Variants in GLRA2 observed in about 807,000 individuals in gnomAD.
The protein encoded by GLRA2 is glycine receptor alpha 2.
GLRA2 carries 11 observed loss-of-function variants against 31.6 expected under a neutral mutation model. That is an observed-to-expected ratio of 0.35 (90% CI 0.22 to 0.58). The LOEUF (loss-of-function observed/expected upper bound fraction) is 0.58. Among genes scored for constraint, GLRA2 ranks in the 20% least tolerant of loss-of-function variants. GLRA2 has a pLI of 0.84. For synonymous variants in GLRA2, 132 were observed against 134.0 expected (o/e 0.99, Z 0.10); for missense variants, 212 against 351.8 (o/e 0.60, Z 3.18).
chrX:14,506,964 T>C, the GLRA2 span, among the ~76,000 whole-genome samples: 1 of 111,766 alleles, frequency 8.9e-6, no homozygotes, highest in African/African-American at 3.3e-5. Context: ...TATGTTTTGT[T>C]ACCTTAGGAA....
chrX:14,505,140 A>C, the GLRA2 span, among the ~76,000 whole-genome samples: 1 of 112,398 alleles, frequency 8.9e-6, no homozygotes, highest in Non-Finnish European at 1.9e-5. Context: ...ATGTGTCTAC[A>C]CAGGCATGAA....
chrX:14,642,427 T>A (rs1189095872), intron 7 of GLRA2, among the ~76,000 whole-genome samples: 1 of 112,073 alleles, frequency 8.9e-6, no homozygotes, highest in Non-Finnish European at 1.9e-5. Flanking sequence ...CCCAGCTCCT[T>A]GGCCATTGGA....
chrX:14,489,609 C>T, the GLRA2 span, among the ~76,000 whole-genome samples: 2 of 112,153 alleles, frequency 1.8e-5, no homozygotes, highest in Admixed American at 9.4e-5. Context: ...CCAGAGAAAG[C>T]GATGCGGACT....
chrX:14,492,143 GA>G, the GLRA2 span, among the ~76,000 whole-genome samples: 28 of 104,347 alleles, frequency 2.7e-4, no homozygotes, highest in Non-Finnish European at 4.8e-4. Flanking sequence ...AAAATGGATT[GA>G]AAAAAAAAAC....
chrX:14,492,665 G>T, the GLRA2 span, among the ~76,000 whole-genome samples: 40 of 111,567 alleles, frequency 3.6e-4, no homozygotes, highest in Admixed American at 1.4e-3. Flanking sequence ...AATTCAAAAT[G>T]GTATAGTCAT....
chrX:14,584,370 A>G (rs2090058238), intron 4 of GLRA2, among the ~76,000 whole-genome samples: 1 of 111,807 alleles, frequency 8.9e-6, no homozygotes, highest in African/African-American at 3.3e-5. Context: ...AAAGGTCCTT[A>G]ACAGAATGCC....
Position 14,706,427 on chromosome X carries a change from C to T in GLRA2, c.1080+15568C>T, listed in dbSNP as rs139421770. 5.9e-3 allele frequency among the ~76,000 whole-genome samples: 666 copies of T among 112,031 alleles called. 4 individuals carry two copies. The highest frequency in any genetic ancestry group is 0.021 in the African/African-American group (635 of 30,831). Reference sequence around the variant, plus strand: ...TACTATTAAGACATGGTAAAAAGCTCCAAAGCTTTAAATAGAATTATTTTC... The same window carrying T: ...TACTATTAAGACATGGTAAAAAGCTTCAAAGCTTTAAATAGAATTATTTTC... On this transcript the variant is annotated intron_variant, in intron 8 of 8. Transcript: ENST00000218075.
chrX:14,520,444 G>T, the GLRA2 span, among the ~76,000 whole-genome samples: 2 of 112,334 alleles, frequency 1.8e-5, no homozygotes, highest in African/African-American at 6.4e-5. Flanking sequence ...GAAAAGAAAC[G>T]CTGCATTTCT....
At chrX:14,581,488 A>G in intron 4 of GLRA2, 82 bp downstream of exon 4, 1 of 555,450 alleles carries the variant, frequency 1.8e-6, no homozygotes, top group Non-Finnish European at 3.1e-6. Flanking sequence ...GGTAGGATGT[A>G]TATGAATATT....
intron 2 of GLRA2, among the ~76,000 whole-genome samples, chrX:14,563,100 T>A (rs1240307453): frequency 2.7e-5 from 3 of 112,406 alleles, no homozygotes; most frequent in Non-Finnish European, 5.6e-5. Flanking sequence ...ATATGGCAAA[T>A]TTAGAAAGCC....
intron 4 of GLRA2, among the ~76,000 whole-genome samples, chrX:14,595,043 C>G (rs758672322): frequency 5.4e-5 from 6 of 110,690 alleles, no homozygotes; most frequent in Non-Finnish European, 1.1e-4. Context: ...TTAGGTCCAG[C>G]CTTAGACAAT....
intron 8 of GLRA2, among the ~76,000 whole-genome samples, chrX:14,726,974 T>TA (rs201404701): frequency 0.035 from 3,945 of 111,886 alleles, 143 homozygotes; most frequent in African/African-American, 0.11. Context: ...ATTCTGCAGA[T>TA]ACGCAAAGGA....
chrX:14,613,781 G>C (rs1291998170), intron 7 of GLRA2, among the ~76,000 whole-genome samples: 15 of 110,787 alleles, frequency 1.4e-4, no homozygotes. Flanking sequence ...CAGAGGGTCT[G>C]AATAAGATAT....
chrX:14,603,520 G>A (rs185286960), intron 4 of GLRA2, among the ~76,000 whole-genome samples: 38 of 111,208 alleles, frequency 3.4e-4, no homozygotes, highest in African/African-American at 1.1e-3. Flanking sequence ...CTCATCTCTC[G>A]CCTTATACAA....
chrX:14,480,984 G>A, the GLRA2 span, among the ~76,000 whole-genome samples: 186 of 109,851 alleles, frequency 1.7e-3, 3 homozygotes, highest in East Asian at 0.049. Context: ...CCATTTTAAC[G>A]ATATTGATTC....
the GLRA2 span, among the ~76,000 whole-genome samples, chrX:14,478,485 C>A: frequency 8.9e-6 from 1 of 111,807 alleles, no homozygotes; most frequent in African/African-American, 3.3e-5. Context: ...GCCTTATATC[C>A]TATTTGTGTG....
At chrX:14,520,714 A>T in the GLRA2 span, among the ~76,000 whole-genome samples, 1 of 112,686 alleles carries the variant, frequency 8.9e-6, no homozygotes, top group Non-Finnish European at 1.9e-5. Context: ...TCTCTGCATG[A>T]TGGGCATCTT....
At chrX:14,708,539 C>T (rs1463117249) in intron 8 of GLRA2, among the ~76,000 whole-genome samples, 1 of 111,861 alleles carries the variant, frequency 8.9e-6, no homozygotes, top group East Asian at 2.8e-4. Flanking sequence ...ATGCCCATGA[C>T]CCAGTGGGCT....
intron 3 of GLRA2, among the ~76,000 whole-genome samples, chrX:14,576,812 C>G (rs2089963635): frequency 8.9e-6 from 1 of 112,065 alleles, no homozygotes; most frequent in African/African-American, 3.2e-5. Context: ...AACTGTTGCT[C>G]AAGGGTAACA....
Sources: allele counts gnomAD v4.1 joint callset (sites outside exome capture counted in the v4.1 genomes callset), GRCh38; gene constraint gnomAD v4.1.1; transcripts MANE v1.5; gene names NCBI Gene and HGNC (gene_info 2026-07-23, HGNC 2026-07-21).